Variants in GPC4 observed in about 807,000 individuals in gnomAD.
GPC4 encodes the protein glypican 4.
A neutral mutation model predicts 35.0 loss-of-function variants in GPC4; 10 were observed. That is an observed-to-expected ratio of 0.29 (90% confidence interval 0.18 to 0.48). The LOEUF (loss-of-function observed/expected upper bound fraction) is 0.48. Among genes scored for constraint, GPC4 ranks in the 20% least tolerant of loss-of-function variants. The pLI is 0.99. For missense variants in GPC4, 322 were observed against 451.3 expected (o/e 0.71, Z 2.60); for synonymous variants, 167 against 170.2 (o/e 0.98, Z 0.15).
chrX:133,305,921 G>A lies in GPC4; in HGVS notation c.1009-3C>T, dbSNP rs1569340475. 1.7e-6 allele frequency: 2 copies of A among 1,211,248 alleles called. No individual in the cohort carries two copies. The highest frequency in any genetic ancestry group is 1.8e-5 in the South Asian group (1 of 56,907). ...GGGGGTCCACATCCCTGGAAAACCT[G>A]CATTAGAGTAAGTGTCGTCATGTTA... On this transcript the variant is annotated splice_region_variant and splice_polypyrimidine_tract_variant and intron_variant, in intron 5 of 8. Transcript: ENST00000370828.
At chrX:133,319,443 CAAA>C (rs369290840) in intron 3 of GPC4, among the ~76,000 whole-genome samples, 22 of 16,884 alleles carry the variant, frequency 1.3e-3, no homozygotes, top group African/African-American at 3.6e-3. Context: ...GACCCTATGT[CAAA>C]AAAAAAAAAA....
At chrX:133,340,487 A>G (rs983707370) in intron 1 of GPC4, among the ~76,000 whole-genome samples, 1 of 112,178 alleles carries the variant, frequency 8.9e-6, no homozygotes, top group African/African-American at 3.2e-5. Context: ...TGAGGAACTC[A>G]GGAATGAGTA....
chrX:133,374,564 A>G (rs953056450), intron 1 of GPC4, among the ~76,000 whole-genome samples: 2 of 111,856 alleles, frequency 1.8e-5, no homozygotes, highest in African/African-American at 3.2e-5. Flanking sequence ...GTAGAGAGGA[A>G]ACAAGACCTC....
intron 1 of GPC4, among the ~76,000 whole-genome samples, chrX:133,378,350 G>A (rs1401322380): frequency 9.1e-6 from 1 of 110,203 alleles, no homozygotes; most frequent in Non-Finnish European, 1.9e-5. Flanking sequence ...GGTGGATCAC[G>A]AGGTCAGGAG....
chrX:133,372,579 A>G (rs1165159124), intron 1 of GPC4, among the ~76,000 whole-genome samples: 1 of 111,842 alleles, frequency 8.9e-6, no homozygotes, highest in African/African-American at 3.3e-5. Flanking sequence ...CTAATACCTC[A>G]TAATTGCTGA....
intron 1 of GPC4, among the ~76,000 whole-genome samples, chrX:133,403,797 A>G (rs7883960): frequency 0.45 from 48,276 of 107,062 alleles, 10,118 homozygotes; most frequent in African/African-American, 0.79. Flanking sequence ...CCAAGTTCAA[A>G]CAATCCTTGT....
In GPC4 at chrX:133,404,866, A is replaced by AAAAAAAAAAAAAAAAAAAAAAAAG. The variant is rs753375530; in HGVS notation, c.160+9939_160+9940insCTTTTTTTTTTTTTTTTTTTTTTT. ...GACCCTGTCTCAAAAAAAAAAAAAA[A>AAAAAAAAAAAAAAAAAAAAAAAAG]AAGGTGCAGAGGAACAAAATCATAA... On this transcript the variant is annotated intron_variant, in intron 1 of 8. Transcript: ENST00000370828. 5.6e-5 allele frequency among the ~76,000 whole-genome samples: 5 copies of AAAAAAAAAAAAAAAAAAAAAAAAG among 89,272 alleles called. 1 individual carries two copies. The highest frequency in any genetic ancestry group is 2.6e-4 in the African/African-American group (5 of 19,209). The allele number at this position is 89,272 out of a possible 115,157, so 77.5% of individuals were successfully genotyped here. A position where few individuals can be genotyped will look rare whatever the true frequency, so the allele number is the denominator to read the frequency against.
chrX:133,406,078 CAAAGAGGACATT>C (rs1330077564), intron 1 of GPC4, among the ~76,000 whole-genome samples: 6 of 112,001 alleles, frequency 5.4e-5, no homozygotes, highest in Admixed American at 9.5e-5. Context: ...AAACACATGG[CAAAGAGGACATT>C]AAAGTAAGGG....
In GPC4 at chrX:133,370,509, TTTTG is replaced by T. The variant is rs758368898; in HGVS notation, c.161-31172_161-31169del. Among the ~76,000 whole-genome samples the T allele has an allele frequency of 8.0e-4, 89 of 111,572 alleles. 2 individuals are homozygous for T. In the South Asian group the frequency reaches 0.031, roughly 39 times the overall value. ...CTATACTTATAAAGTTCTTCAGGGT[TTTTG>T]TTTGTTTGTTTTTGAGATTGGAGCT... On this transcript the variant is annotated intron_variant, in intron 1 of 8. Coordinates refer to ENST00000370828, the MANE Select transcript of GPC4 (RefSeq NM_001448.3).
chrX:133,342,059 CAG>C, intron 1 of GPC4, among the ~76,000 whole-genome samples: 2 of 87,350 alleles, frequency 2.3e-5, no homozygotes, highest in Middle Eastern at 0.014. Context: ...TTTTTTGAGA[CAG>C]AGTCTCACTC....
At chrX:133,344,860 A>C (rs2124138403) in intron 1 of GPC4, among the ~76,000 whole-genome samples, 1 of 112,541 alleles carries the variant, frequency 8.9e-6, no homozygotes, top group Admixed American at 9.4e-5. Flanking sequence ...GACTAATTTT[A>C]CCAATAAAGC....
At chrX:133,328,614 T>C (rs1022504804) in intron 2 of GPC4, among the ~76,000 whole-genome samples, 1 of 111,006 alleles carries the variant, frequency 9.0e-6, no homozygotes, top group East Asian at 2.9e-4. Flanking sequence ...AATGTTCATC[T>C]CCATTTTTTT....
chrX:133,356,712 A>G (rs1490123727), intron 1 of GPC4, among the ~76,000 whole-genome samples: 1 of 111,799 alleles, frequency 8.9e-6, no homozygotes, highest in Non-Finnish European at 1.9e-5. Flanking sequence ...AGCCTGCAGA[A>G]CCATGAGCCA....
intron 1 of GPC4, among the ~76,000 whole-genome samples, chrX:133,412,708 G>A (rs1251030166): frequency 9.0e-6 from 1 of 111,721 alleles, no homozygotes; most frequent in Admixed American, 9.5e-5. Context: ...AGACATATAC[G>A]CAAAATATCC....
At chrX:133,413,909 C>A (rs982826695) in intron 1 of GPC4, among the ~76,000 whole-genome samples, 1 of 111,071 alleles carries the variant, frequency 9.0e-6, no homozygotes. Context: ...CCCATACACC[C>A]CCCATCCCAC....
chrX:133,344,993 G>C (rs567554253), intron 1 of GPC4, among the ~76,000 whole-genome samples: 4 of 112,807 alleles, frequency 3.5e-5, no homozygotes, highest in African/African-American at 1.3e-4. Context: ...AAGAGACTAT[G>C]ATTTTGCATT....
At chrX:133,389,430 T>C (rs1015621834) in intron 1 of GPC4, among the ~76,000 whole-genome samples, 6 of 112,007 alleles carry the variant, frequency 5.4e-5, no homozygotes, top group Admixed American at 2.9e-4. Flanking sequence ...ATTCATTCAT[T>C]CATGGCAAAA....
intron 2 of GPC4, among the ~76,000 whole-genome samples, chrX:133,325,549 A>T: frequency 8.9e-6 from 1 of 111,924 alleles, no homozygotes; most frequent in Non-Finnish European, 1.9e-5. Flanking sequence ...TATTTGTAAC[A>T]TTAATCATTC....
At chrX:133,307,796 A>T (rs1399981711) in intron 4 of GPC4, among the ~76,000 whole-genome samples, 1 of 112,141 alleles carries the variant, frequency 8.9e-6, no homozygotes, top group Non-Finnish European at 1.9e-5. Flanking sequence ...AAATAACAAC[A>T]ACAACAACAA....
Sources: gnomAD v4.1 joint callset for allele counts (sites outside exome capture counted in the v4.1 genomes callset) on GRCh38, gnomAD v4.1.1 for gene constraint, MANE v1.5 for transcripts, NCBI Gene and HGNC (gene_info 2026-07-23, HGNC 2026-07-21) for gene names.